KHDRBS2: variants seen among roughly 807,000 people sequenced by gnomAD.
The protein encoded by KHDRBS2 is KH RNA binding domain containing, signal transduction associated 2, also known as KH domain-containing, RNA-binding, signal transduction-associated protein 2.
KHDRBS2 carries 26 observed loss-of-function variants against 44.3 expected under a neutral mutation model. That is an observed-to-expected ratio of 0.59 (90% CI 0.43 to 0.81). The LOEUF (loss-of-function observed/expected upper bound fraction) is 0.81, where lower values mean the gene tolerates loss of function less well. KHDRBS2 is among the 40% of genes least tolerant of loss of function. The pLI is 0.00. For synonymous variants in KHDRBS2, 194 were observed against 151.1 expected, an observed-to-expected ratio of 1.28 and a Z score of -2.08; for missense variants, 476 against 433.1, an observed-to-expected ratio of 1.10 and a Z score of -0.88.
At chr6:61,742,362 A>T (rs1374172523) in intron 6 of KHDRBS2, among the ~76,000 whole-genome samples, 1 of 152,004 alleles carries the variant, frequency 6.6e-6, no homozygotes, top group Non-Finnish European at 1.5e-5. Context: ...TAAAACATAA[A>T]ATATTACTAC....
At chr6:61,707,024 T>C (rs1769698872) in intron 7 of KHDRBS2, among the ~76,000 whole-genome samples, 1 of 151,494 alleles carries the variant, frequency 6.6e-6, no homozygotes, top group Non-Finnish European at 1.5e-5. Context: ...AGTTTTGGGA[T>C]AAAGGTAAAA....
chr6:61,903,853 T>C (rs1306085961), intron 4 of KHDRBS2, among the ~76,000 whole-genome samples: 1 of 152,136 alleles, frequency 6.6e-6, no homozygotes, highest in African/African-American at 2.4e-5. Flanking sequence ...ATCCCTGCTC[T>C]CCCTGCCATC....
intron 2 of KHDRBS2, among the ~76,000 whole-genome samples, chr6:62,137,016 T>A (rs1811689506): frequency 9.4e-6 from 1 of 106,790 alleles, no homozygotes; most frequent in Admixed American, 9.2e-5. Context: ...TTTTTTTTTT[T>A]TTGAGACGGA....
intron 3 of KHDRBS2, among the ~76,000 whole-genome samples, chr6:61,994,047 C>T (rs1220546566): frequency 6.6e-6 from 1 of 152,088 alleles, no homozygotes; most frequent in East Asian, 1.9e-4. Flanking sequence ...TTGCTGTTTA[C>T]CTCGCTGCCT....
chr6:61,696,762 T>C (rs1295213576), intron 8 of KHDRBS2, among the ~76,000 whole-genome samples: 3 of 152,188 alleles, frequency 2.0e-5, no homozygotes, highest in African/African-American at 7.2e-5. Flanking sequence ...AAGCATTATT[T>C]GGCTATGCAT....
the KHDRBS2 span, among the ~76,000 whole-genome samples, chr6:61,555,333 GA>G: frequency 6.6e-6 from 1 of 152,124 alleles, no homozygotes; most frequent in South Asian, 2.1e-4. Flanking sequence ...TGAAATTCTT[GA>G]AGTAAGTTTT....
chr6:62,042,963 C>A (rs1244442127), intron 3 of KHDRBS2, among the ~76,000 whole-genome samples: 3 of 152,018 alleles, frequency 2.0e-5, no homozygotes, highest in Admixed American at 6.6e-5. Flanking sequence ...AACAGAAATG[C>A]CAAAATACCT....
chr6:62,107,198 T>C (rs529746368), intron 2 of KHDRBS2, among the ~76,000 whole-genome samples: 6 of 151,948 alleles, frequency 3.9e-5, no homozygotes, highest in African/African-American at 7.2e-5. Flanking sequence ...AAAACCCCAT[T>C]GTCTCAGCCC....
At chr6:61,928,523 G>A (rs1257959632) in intron 4 of KHDRBS2, among the ~76,000 whole-genome samples, 3 of 151,722 alleles carry the variant, frequency 2.0e-5, no homozygotes, top group African/African-American at 4.9e-5. Flanking sequence ...TATTCATATT[G>A]TTATTCACAA....
chr6:62,123,233 C>T (rs112736385), intron 2 of KHDRBS2, among the ~76,000 whole-genome samples: 43 of 37,508 alleles, frequency 1.1e-3, no homozygotes, highest in Middle Eastern at 0.016. Context: ...TGAACTCATC[C>T]TTTTTTATGG....
intron 6 of KHDRBS2, among the ~76,000 whole-genome samples, chr6:61,864,321 T>A (rs1442858572): frequency 6.6e-6 from 1 of 152,174 alleles, no homozygotes; most frequent in Admixed American, 6.5e-5. Flanking sequence ...GTCAACATGA[T>A]GCAAGGTGGT....
At chr6:62,036,565 T>G (rs1166291198) in intron 3 of KHDRBS2, among the ~76,000 whole-genome samples, 1 of 151,926 alleles carries the variant, frequency 6.6e-6, no homozygotes, top group Non-Finnish European at 1.5e-5. Context: ...AAAAAAGTAA[T>G]TTGGATCCAT....
At chr6:61,565,047 C>T in the KHDRBS2 span, among the ~76,000 whole-genome samples, 26 of 152,046 alleles carry the variant, frequency 1.7e-4, no homozygotes, top group South Asian at 4.1e-3. Context: ...AACAAAGGTG[C>T]CAAGAACACA....
intron 4 of KHDRBS2, among the ~76,000 whole-genome samples, chr6:61,909,668 G>A (rs1479873912): frequency 2.8e-5 from 1 of 36,058 alleles, no homozygotes; most frequent in Non-Finnish European, 5.1e-5. Flanking sequence ...ATGTTTGGAT[G>A]TTCCAAAGGA....
chr6:62,044,098 C>A (rs1314081800), intron 3 of KHDRBS2, among the ~76,000 whole-genome samples: 1 of 151,824 alleles, frequency 6.6e-6, no homozygotes, highest in Non-Finnish European at 1.5e-5. Flanking sequence ...ACTTACACAA[C>A]CAAATATCTT....
chr6:61,824,983 T>C (rs1790605528), intron 6 of KHDRBS2, among the ~76,000 whole-genome samples: 1 of 152,146 alleles, frequency 6.6e-6, no homozygotes, highest in Admixed American at 6.6e-5. Flanking sequence ...AAAATTCCTA[T>C]GCTATAGGTT....
chr6:61,634,179 T>G, the KHDRBS2 span, among the ~76,000 whole-genome samples: 1 of 151,942 alleles, frequency 6.6e-6, no homozygotes, highest in East Asian at 1.9e-4. Context: ...TGCAGTTCCT[T>G]TATTTGTCAA....
chr6:62,077,639 C>A (rs1045985994), intron 2 of KHDRBS2, among the ~76,000 whole-genome samples: 1 of 151,828 alleles, frequency 6.6e-6, no homozygotes, highest in Non-Finnish European at 1.5e-5. Flanking sequence ...CTGGTGCCAC[C>A]CCTTGGAGAA....
At chr6:61,812,103 A>C (rs1407110648) in intron 6 of KHDRBS2, among the ~76,000 whole-genome samples, 2 of 151,952 alleles carry the variant, frequency 1.3e-5, no homozygotes, top group East Asian at 3.9e-4. Flanking sequence ...CTATGTTGAT[A>C]CTAGTGGGTG....
Sources: allele counts gnomAD v4.1 joint callset (sites outside exome capture counted in the v4.1 genomes callset), GRCh38; gene constraint gnomAD v4.1.1; transcripts MANE v1.5; gene names NCBI Gene and HGNC (gene_info 2026-07-23, HGNC 2026-07-21).